Variants in TACC2 observed in about 807,000 individuals in gnomAD.
TACC2 encodes the protein transforming acidic coiled-coil containing protein 2, also known as transforming acidic coiled-coil-containing protein 2.
TACC2 carries 137 observed loss-of-function variants against 227.3 expected under a neutral mutation model. That is an observed-to-expected ratio of 0.60 (90% CI 0.52 to 0.69). The LOEUF is 0.69. TACC2 is among the 30% of genes least tolerant of loss of function. The pLI, the probability that TACC2 is intolerant of heterozygous loss-of-function variation, is 0.00. For synonymous variants in TACC2, 1,523 were observed against 1,487.5 expected (o/e 1.02, Z -0.55); for missense variants, 3,470 against 3,694.4 (o/e 0.94, Z 1.57).
chr10:122,158,617 G>A (rs59562562), intron 7 of TACC2, among the ~76,000 whole-genome samples: 14,903 of 152,064 alleles, frequency 0.098, 2,268 homozygotes, highest in African/African-American at 0.33. Flanking sequence ...GGTTCCAGGT[G>A]TAAATATGGT....
chr10:122,208,781 G>T (rs1434260135), intron 8 of TACC2, among the ~76,000 whole-genome samples: 1 of 152,214 alleles, frequency 6.6e-6, no homozygotes, highest in Non-Finnish European at 1.5e-5. Flanking sequence ...CATTGGAAAC[G>T]CTGTCCCAGG....
intron 8 of TACC2, among the ~76,000 whole-genome samples, chr10:122,196,595 G>A (rs1467572373): frequency 3.9e-5 from 6 of 152,072 alleles, no homozygotes; most frequent in East Asian, 3.8e-4. Flanking sequence ...TGTATTTCTC[G>A]TAATATTTTT....
In TACC2 at chr10:122,124,366, T is replaced by C. The variant is rs551893523; in HGVS notation, c.5574-8243T>C. On this transcript the variant is annotated intron_variant, in intron 5 of 22. Coordinates refer to ENST00000369005, the MANE Select transcript of TACC2 (RefSeq NM_206862.4). Reference sequence around the variant, plus strand: ...CCTGGCACCTGAACTGTTCCAAAGCTCTCACTTCGGCTCCACTGCCTGCAT... The same window carrying C: ...CCTGGCACCTGAACTGTTCCAAAGCCCTCACTTCGGCTCCACTGCCTGCAT... Among the ~76,000 whole-genome samples the C allele has an allele frequency of 3.9e-3, 600 of 152,236 alleles. 5 individuals are homozygous for C. Among genetic ancestry groups the C allele is most frequent in the African/African-American group, 0.014 (577 of 41,534 alleles).
chr10:122,141,781 A>G lies in TACC2; in HGVS notation c.5700-1791A>G, dbSNP rs2090598771. Among the ~76,000 whole-genome samples the G allele has an allele frequency of 6.6e-6, 1 of 152,112 alleles. No homozygotes were observed. Among genetic ancestry groups the G allele is most frequent in the Non-Finnish European group, 1.5e-5 (1 of 68,028 alleles). ...GAACCACAAACAATACCACCTTTCC[A>G]CAATTTGCATTAAACTAAGTAAAAT... On this transcript the variant is annotated intron_variant, in intron 6 of 22. Coordinates refer to ENST00000369005, the MANE Select transcript of TACC2 (RefSeq NM_206862.4). This position sits in a 1 kb window ranked among gnomAD's most constrained non-coding sequence, Gnocchi z 4.3.
intron 1 of TACC2, among the ~76,000 whole-genome samples, chr10:121,991,548 T>C (rs1319068724): frequency 6.6e-6 from 1 of 152,228 alleles, no homozygotes; most frequent in African/African-American, 2.4e-5. Flanking sequence ...AATGAATGAA[T>C]GTTTTGGTCA....
intron 3 of TACC2, among the ~76,000 whole-genome samples, chr10:122,053,230 A>T (rs146883637): frequency 0.012 from 1,755 of 152,264 alleles, 11 homozygotes; most frequent in Non-Finnish European, 0.016. Context: ...GGCAAGGAGG[A>T]GCAAGTCACA....
At chr10:122,166,936 G>C (rs1422489275) in intron 7 of TACC2, among the ~76,000 whole-genome samples, 2 of 152,256 alleles carry the variant, frequency 1.3e-5, no homozygotes, top group Non-Finnish European at 2.9e-5. Flanking sequence ...TTGAGTAAAT[G>C]TGGGCTGCAG....
At chr10:122,169,833 C>T (rs1051288019) in intron 7 of TACC2, among the ~76,000 whole-genome samples, 1 of 152,166 alleles carries the variant, frequency 6.6e-6, no homozygotes, top group Non-Finnish European at 1.5e-5. Context: ...TCACTGCAGC[C>T]TTCATCTCCC....
intron 5 of TACC2, among the ~76,000 whole-genome samples, chr10:122,103,286 C>T (rs982078377): frequency 6.6e-6 from 1 of 152,132 alleles, no homozygotes; most frequent in African/African-American, 2.4e-5. Flanking sequence ...TTGAGTTCTG[C>T]ACACACAGAG....
chr10:122,166,395 A>G (rs553819490), intron 7 of TACC2, among the ~76,000 whole-genome samples: 5 of 152,214 alleles, frequency 3.3e-5, no homozygotes, highest in East Asian at 3.9e-4. Flanking sequence ...GCTTCATTCT[A>G]TGCAGGAGTG....
chr10:122,223,842 C>T (rs987181357), intron 11 of TACC2, among the ~76,000 whole-genome samples: 2 of 152,160 alleles, frequency 1.3e-5, no homozygotes, highest in African/African-American at 4.8e-5. Context: ...CTCTTCACCT[C>T]TTGGTTTTCT....
chr10:121,994,199 GA>G (rs1276295737), intron 1 of TACC2, among the ~76,000 whole-genome samples: 1 of 152,208 alleles, frequency 6.6e-6, no homozygotes, highest in Non-Finnish European at 1.5e-5. Context: ...TGACATGTTT[GA>G]AAAGGACTGC....
chr10:122,131,525 C>A (rs1165410434), intron 5 of TACC2, among the ~76,000 whole-genome samples: 1 of 152,164 alleles, frequency 6.6e-6, no homozygotes, highest in Admixed American at 6.5e-5. Flanking sequence ...TCTAACTCAT[C>A]ATAGATCTAA....
chr10:122,040,124 C>T (rs534309250), intron 2 of TACC2, among the ~76,000 whole-genome samples: 2 of 152,288 alleles, frequency 1.3e-5, no homozygotes, highest in East Asian at 3.9e-4. Flanking sequence ...AGTACACTTG[C>T]ACAGGTGATG....
chr10:122,109,150 C>A (rs2083294366), intron 5 of TACC2, among the ~76,000 whole-genome samples: 1 of 152,144 alleles, frequency 6.6e-6, no homozygotes, highest in Non-Finnish European at 1.5e-5. Flanking sequence ...CATGTAATGA[C>A]TTCTTTTCCT....
chr10:122,061,021 G>T (rs1334937824), intron 3 of TACC2, among the ~76,000 whole-genome samples: 1 of 8,888 alleles, frequency 1.1e-4, no homozygotes, highest in African/African-American at 1.6e-4. Context: ...AAAAAAAAAG[G>T]GGGGGGGGCC....
chr10:122,039,674 G>C (rs536467076), intron 2 of TACC2, among the ~76,000 whole-genome samples: 7 of 152,256 alleles, frequency 4.6e-5, no homozygotes, highest in Admixed American at 6.5e-5. Flanking sequence ...ATTTGCTTTT[G>C]ACACTTTTTG....
chr10:122,253,032 A>G (rs736456), intron 22 of TACC2, among the ~76,000 whole-genome samples: 30,714 of 152,050 alleles, frequency 0.2, 4,860 homozygotes, highest in African/African-American at 0.44. Context: ...ACAATGATGA[A>G]TGACACCAGG....
chr10:122,129,543 T>C (rs886754373), intron 5 of TACC2, among the ~76,000 whole-genome samples: 1 of 152,220 alleles, frequency 6.6e-6, no homozygotes, highest in Admixed American at 6.5e-5. Flanking sequence ...GGAAGAACCA[T>C]GGCTGTGTCA....
Sources: gnomAD v4.1 joint callset for allele counts (sites outside exome capture counted in the v4.1 genomes callset) on GRCh38, gnomAD v4.1.1 for gene constraint, Gnocchi (gnomAD v3.1) non-coding constraint, MANE v1.5 for transcripts, NCBI Gene and HGNC (gene_info 2026-07-23, HGNC 2026-07-21) for gene names.